RPS6KC1: variants seen among roughly 807,000 people sequenced by gnomAD.
RPS6KC1 encodes the protein inactive ribosomal protein S6 kinase delta-1.
A neutral mutation model predicts 103.8 loss-of-function variants in RPS6KC1; 54 were observed. The ratio of observed to expected loss-of-function variants is 0.52; its 90% CI spans 0.42 to 0.65. The LOEUF (loss-of-function observed/expected upper bound fraction) is 0.65. Ranked by LOEUF, RPS6KC1 falls within the 30% of genes least tolerant of loss-of-function variation. The probability of loss-of-function intolerance (pLI) is 0.00; values close to 1 mark genes in which losing one functional copy is unlikely to be tolerated. For missense variants in RPS6KC1, 1,151 were observed against 1,253.8 expected, an observed-to-expected ratio of 0.92 and a Z score of 1.24; for synonymous variants, 439 against 438.7, an observed-to-expected ratio of 1.00 and a Z score of -0.01.
intron 4 of RPS6KC1, among the ~76,000 whole-genome samples, chr1:213,107,833 G>A (rs1362202340): frequency 6.6e-6 from 1 of 152,172 alleles, no homozygotes; most frequent in Non-Finnish European, 1.5e-5. Context: ...CATTCTAGCA[G>A]GTGTGCAGTG....
At chr1:213,420,644 A>G in the RPS6KC1 span, among the ~76,000 whole-genome samples, 4 of 152,170 alleles carry the variant, frequency 2.6e-5, no homozygotes, top group African/African-American at 9.7e-5. Context: ...GAGGGCTGCC[A>G]GAGTCCCCAA....
chr1:213,311,298 C>T, the RPS6KC1 span, among the ~76,000 whole-genome samples: 1 of 152,000 alleles, frequency 6.6e-6, no homozygotes, highest in Non-Finnish European at 1.5e-5. Context: ...GCCACCACAC[C>T]CGGCTAATTT....
the RPS6KC1 span, among the ~76,000 whole-genome samples, chr1:213,312,117 G>T: frequency 6.6e-6 from 1 of 151,994 alleles, no homozygotes; most frequent in African/African-American, 2.4e-5. Flanking sequence ...GGATGGTGTT[G>T]AACTCCTGAC....
the RPS6KC1 span, among the ~76,000 whole-genome samples, chr1:213,289,511 A>G: frequency 6.6e-6 from 1 of 152,202 alleles, no homozygotes; most frequent in Admixed American, 6.5e-5. Context: ...CATTGTCCAA[A>G]TTGAGTGGAA....
At chr1:213,641,192 C>T in the RPS6KC1 span, among the ~76,000 whole-genome samples, 11 of 151,638 alleles carry the variant, frequency 7.3e-5, no homozygotes, top group Admixed American at 7.2e-4. Flanking sequence ...TTTTATTGCT[C>T]TTTCAAGCAC....
the RPS6KC1 span, among the ~76,000 whole-genome samples, chr1:213,373,733 C>A: frequency 6.6e-6 from 1 of 152,156 alleles, no homozygotes; most frequent in Non-Finnish European, 1.5e-5. Context: ...AAGCAAGCTT[C>A]TCTTAGAAGA....
At chr1:213,078,231 CTT>C (rs11416944) in intron 3 of RPS6KC1, among the ~76,000 whole-genome samples, 147 of 128,286 alleles carry the variant, frequency 1.1e-3, no homozygotes, top group African/African-American at 3.5e-3. Context: ...CCTTAGTATT[CTT>C]TTTTTTTTTT....
the RPS6KC1 span, among the ~76,000 whole-genome samples, chr1:213,597,875 C>A: frequency 6.6e-6 from 1 of 152,128 alleles, no homozygotes; most frequent in Non-Finnish European, 1.5e-5. Context: ...TAGGGTCAGG[C>A]AAATGTGGTA....
At chr1:213,401,618 C>A in the RPS6KC1 span, among the ~76,000 whole-genome samples, 2 of 152,154 alleles carry the variant, frequency 1.3e-5, no homozygotes, top group Admixed American at 1.3e-4. Flanking sequence ...CCATCCCCAC[C>A]GGAACTCTCT....
chr1:213,738,426 C>T, the RPS6KC1 span, among the ~76,000 whole-genome samples: 5 of 152,048 alleles, frequency 3.3e-5, no homozygotes, highest in Non-Finnish European at 7.4e-5. Flanking sequence ...GTAGCTGTGA[C>T]AACTGATGAG....
intron 6 of RPS6KC1, among the ~76,000 whole-genome samples, chr1:213,138,580 C>T (rs891631558): frequency 1.3e-5 from 2 of 152,146 alleles, no homozygotes; most frequent in Non-Finnish European, 2.9e-5. Flanking sequence ...GAATGTTTAA[C>T]TTCCACTTAT....
the RPS6KC1 span, among the ~76,000 whole-genome samples, chr1:213,300,426 G>T: frequency 2.0e-5 from 3 of 152,218 alleles, no homozygotes; most frequent in African/African-American, 4.8e-5. Context: ...TTAAAGAAAA[G>T]AAGCAGGAGT....
At chr1:213,806,568 T>G in the RPS6KC1 span, among the ~76,000 whole-genome samples, 1 of 145,880 alleles carries the variant, frequency 6.9e-6, no homozygotes, top group Non-Finnish European at 1.5e-5. Context: ...TTTGTTGGTT[T>G]AAAGTCTGTT....
the RPS6KC1 span, among the ~76,000 whole-genome samples, chr1:213,432,636 C>T: frequency 2.6e-4 from 40 of 152,300 alleles, no homozygotes; most frequent in African/African-American, 9.4e-4. Context: ...ACCTCCCAAC[C>T]TTTCATAGCC....
the RPS6KC1 span, among the ~76,000 whole-genome samples, chr1:213,678,610 T>G: frequency 6.6e-6 from 1 of 152,200 alleles, no homozygotes; most frequent in Non-Finnish European, 1.5e-5. Flanking sequence ...AAATCCCATA[T>G]AGATTTTTGG....
chr1:213,764,614 C>T, the RPS6KC1 span, among the ~76,000 whole-genome samples: 1 of 152,200 alleles, frequency 6.6e-6, no homozygotes, highest in African/African-American at 2.4e-5. Context: ...CCTCAGTCCT[C>T]CTCTGCCACA....
At chr1:213,860,041 G>C in the RPS6KC1 span, among the ~76,000 whole-genome samples, 1 of 151,094 alleles carries the variant, frequency 6.6e-6, no homozygotes, top group Non-Finnish European at 1.5e-5. Context: ...ATTTCTGTTG[G>C]TTACTAGATG....
chr1:213,438,818 G>T, the RPS6KC1 span, among the ~76,000 whole-genome samples: 1 of 145,330 alleles, frequency 6.9e-6, no homozygotes, highest in African/African-American at 2.5e-5. Context: ...TTTTGAGATG[G>T]AGTCTCGCTC....
chr1:213,384,015 G>A, the RPS6KC1 span, among the ~76,000 whole-genome samples: 4 of 152,182 alleles, frequency 2.6e-5, no homozygotes, highest in African/African-American at 2.4e-5. Context: ...GGTGGCTCAC[G>A]CCTGTAATCC....
Sources: gnomAD v4.1 joint callset for allele counts (sites outside exome capture counted in the v4.1 genomes callset) on GRCh38, gnomAD v4.1.1 for gene constraint, MANE v1.5 for transcripts, NCBI Gene and HGNC (gene_info 2026-07-23, HGNC 2026-07-21) for gene names.